The following PCGF5 variants were observed in gnomAD, a reference collection of about 807,000 sequenced individuals.
The protein encoded by PCGF5 is polycomb group ring finger 5.
PCGF5 carries 9 observed loss-of-function variants against 44.3 expected under a neutral mutation model. The ratio of observed to expected loss-of-function variants is 0.20; its 90% CI spans 0.12 to 0.35. The LOEUF is 0.35. Among genes scored for constraint, PCGF5 ranks in the 10% least tolerant of loss-of-function variants. PCGF5 has a pLI of 1.00. For missense variants in PCGF5, 146 were observed against 305.3 expected (o/e 0.48, Z 3.89); for synonymous variants, 95 against 102.5 (o/e 0.93, Z 0.44).
intron 1 of PCGF5, among the ~76,000 whole-genome samples, chr10:91,201,260 A>C (rs1181908690): frequency 6.6e-6 from 1 of 152,108 alleles, no homozygotes; most frequent in Admixed American, 6.5e-5. Flanking sequence ...GACCCTCTGC[A>C]ACCTTCTGAG....
intron 6 of PCGF5, among the ~76,000 whole-genome samples, chr10:91,260,095 C>A (rs972401971): frequency 2.6e-5 from 4 of 151,858 alleles, no homozygotes; most frequent in African/African-American, 7.3e-5. Flanking sequence ...CCAGAATCTG[C>A]AATGAACTCC....
At chr10:91,179,604 G>A (rs180977270) in intron 1 of PCGF5, among the ~76,000 whole-genome samples, 3 of 152,246 alleles carry the variant, frequency 2.0e-5, no homozygotes, top group African/African-American at 7.2e-5. Context: ...GTGGCGTTTG[G>A]TATTCTGTTC....
At chr10:91,238,711 G>A (rs1845246039) in intron 2 of PCGF5, among the ~76,000 whole-genome samples, 1 of 135,444 alleles carries the variant, frequency 7.4e-6, no homozygotes, top group Non-Finnish European at 1.5e-5. Flanking sequence ...AAGGAATTCA[G>A]CTTCTCTGTC....
In PCGF5 at chr10:91,282,844, C is replaced by T. The variant is rs1846486938; in HGVS notation, c.*4528C>T. 1.3e-5 allele frequency: 2 copies of T among 152,512 alleles called. No homozygotes were observed. The highest frequency in any genetic ancestry group is 1.3e-4 in the Admixed American group (2 of 15,264). The allele number at this position is 152,512 out of a possible 1,614,324, so 9.4% of individuals were successfully genotyped here. On this transcript the variant is annotated 3_prime_UTR_variant, in exon 10 of 10. Coordinates refer to ENST00000336126, the MANE Select transcript of PCGF5 (RefSeq NM_032373.5). ...GGAACTTCAAAAATGAATGAGTTTG[C>T]CATAACTTTAATTTTCTGGATTAGA...
At chr10:91,176,380 T>G (rs1178007940) in intron 1 of PCGF5, among the ~76,000 whole-genome samples, 1 of 152,180 alleles carries the variant, frequency 6.6e-6, no homozygotes. Context: ...AATCTGACAA[T>G]TATGTGTCTT....
intron 6 of PCGF5, 120 bp downstream of exon 6, chr10:91,251,560 A>C: frequency 1.0e-6 from 1 of 962,020 alleles, no homozygotes; most frequent in South Asian, 1.5e-5. Flanking sequence ...TAACATAATT[A>C]AATAAAATGC....
intron 2 of PCGF5, among the ~76,000 whole-genome samples, chr10:91,225,212 CAT>C (rs1037794865): frequency 6.5e-4 from 95 of 145,740 alleles, no homozygotes; most frequent in Non-Finnish European, 1.1e-3. Flanking sequence ...TTATATATAT[CAT>C]ATATTTGATA....
At position 91,177,993 on chromosome 10, in the gene PCGF5, T is replaced by C. The variant is rs1057480434; in HGVS notation, c.-184+14912T>C. ...GTTGGAAATGCAGAAATCATCCATA[T>C]TCTGCGTCGCTCACACTGGGAGCTG... On this transcript the variant is annotated intron_variant, in intron 1 of 9. Transcript: ENST00000614189. 5.3e-5 allele frequency among the ~76,000 whole-genome samples: 8 copies of C among 152,332 alleles called. No homozygotes were observed. In the East Asian group the frequency reaches 1.5e-3, roughly 29 times the overall value.
chr10:91,212,211 C>T (rs79256982), intron 1 of PCGF5, among the ~76,000 whole-genome samples: 1,658 of 152,278 alleles, frequency 0.011, 28 homozygotes, highest in African/African-American at 0.038. Context: ...TTAATTGAAG[C>T]TTGAGAAAGC....
At chr10:91,246,965 GGATAGATAGATA>G (rs67397753) in intron 3 of PCGF5, among the ~76,000 whole-genome samples, 52,445 of 144,598 alleles carry the variant, frequency 0.36, 9,514 homozygotes, top group African/African-American at 0.38. Flanking sequence ...ATGGATAGAT[GGATAGATAGATA>G]GATAGATAGA....
intron 3 of PCGF5, among the ~76,000 whole-genome samples, chr10:91,245,227 A>G (rs1038746605): frequency 3.9e-5 from 6 of 152,198 alleles, no homozygotes; most frequent in African/African-American, 1.4e-4. Flanking sequence ...GATAGTATGT[A>G]TATCAAAGGA....
chr10:91,202,120 AT>A (rs1487269680), intron 1 of PCGF5, among the ~76,000 whole-genome samples: 1 of 152,218 alleles, frequency 6.6e-6, no homozygotes, highest in African/African-American at 2.4e-5. Flanking sequence ...ACCCCCTAGG[AT>A]TATTGTGAGA....
chr10:91,159,691 G>C (rs1024326212), upstream of PCGF5, among the ~76,000 whole-genome samples: 9 of 152,192 alleles, frequency 5.9e-5, no homozygotes, highest in Admixed American at 4.6e-4. Flanking sequence ...TTTTACATAT[G>C]ACGATATTTC....
At chr10:91,258,828 T>C (rs555749571) in intron 6 of PCGF5, among the ~76,000 whole-genome samples, 1 of 152,318 alleles carries the variant, frequency 6.6e-6, no homozygotes, top group South Asian at 2.1e-4. Context: ...CAGGTTGTTA[T>C]TTGTTAATTT....
chr10:91,228,527 T>A, intron 2 of PCGF5, among the ~76,000 whole-genome samples: 1 of 152,322 alleles, frequency 6.6e-6, no homozygotes, highest in Non-Finnish European at 1.5e-5. Flanking sequence ...TATACTAATT[T>A]TTTAACTTCT....
chr10:91,220,640 G>T, upstream of PCGF5: 1 of 151,404 alleles, frequency 6.6e-6, no homozygotes, highest in South Asian at 2.0e-4. Flanking sequence ...ACCGGACCTG[G>T]GCCCCGAGGC....
intron 2 of PCGF5, among the ~76,000 whole-genome samples, chr10:91,234,217 A>C (rs1845089797): frequency 6.6e-6 from 1 of 152,246 alleles, no homozygotes; most frequent in Non-Finnish European, 1.5e-5. Context: ...ATAGTGCATC[A>C]GAGAGGGTAT....
At chr10:91,220,324 C>T (rs1844631894), upstream of PCGF5, 1 of 152,242 alleles carries the variant, frequency 6.6e-6, no homozygotes, top group Non-Finnish European at 1.5e-5. Flanking sequence ...GACAAATTCT[C>T]AGGGTGCGTC....
intron 6 of PCGF5, among the ~76,000 whole-genome samples, chr10:91,255,605 C>G (rs1845729127): frequency 6.6e-6 from 1 of 152,054 alleles, no homozygotes; most frequent in Non-Finnish European, 1.5e-5. Flanking sequence ...TAGCTGACCT[C>G]TAGGCAGAAA....
Sources: allele counts gnomAD v4.1 joint callset (sites outside exome capture counted in the v4.1 genomes callset), GRCh38; gene constraint gnomAD v4.1.1; transcripts MANE v1.5; gene names NCBI Gene and HGNC (gene_info 2026-07-23, HGNC 2026-07-21).